The following RANBP17 variants were observed in gnomAD, a reference collection of about 807,000 sequenced individuals.
RANBP17 encodes the protein ran-binding protein 17.
Under a neutral mutation model 141.2 loss-of-function variants are expected in RANBP17, and 158 were observed. The observed-to-expected ratio is 1.12, with a 90% confidence interval of 0.98 to 1.28. The LOEUF is 1.28. Ranked by LOEUF, RANBP17 falls within the 50% of genes most tolerant of loss-of-function variation. The probability of loss-of-function intolerance (pLI) is 0.00; values close to 1 mark genes in which losing one functional copy is unlikely to be tolerated. For missense variants in RANBP17, 1,438 were observed against 1,290.7 expected (o/e 1.11, Z -1.75); for synonymous variants, 430 against 450.0 (o/e 0.96, Z 0.56).
intron 14 of RANBP17, among the ~76,000 whole-genome samples, chr5:171,130,019 C>T (rs1050805085): frequency 6.6e-6 from 1 of 152,130 alleles, no homozygotes; most frequent in Non-Finnish European, 1.5e-5. Context: ...TGTCAGGGCT[C>T]TACTTTTTAA....
intron 25 of RANBP17, among the ~76,000 whole-genome samples, chr5:171,290,013 GTGAC>G (rs201931487): frequency 0.087 from 13,222 of 152,060 alleles, 790 homozygotes; most frequent in East Asian, 0.2. Flanking sequence ...CTTGGTGATA[GTGAC>G]AGGTGAAATC....
chr5:171,154,533 G>A (rs1351759375), intron 14 of RANBP17, among the ~76,000 whole-genome samples: 2 of 152,146 alleles, frequency 1.3e-5, no homozygotes, highest in African/African-American at 4.8e-5. Flanking sequence ...GCCCACCTTG[G>A]CCTCCCAAAA....
At chr5:171,068,510 A>G (rs749442302) in intron 14 of RANBP17, among the ~76,000 whole-genome samples, 1 of 152,090 alleles carries the variant, frequency 6.6e-6, no homozygotes, top group Non-Finnish European at 1.5e-5. Flanking sequence ...GAGTATTGTA[A>G]TGTGGTAACT....
chr5:171,193,460 A>G (rs1288844102), intron 18 of RANBP17, among the ~76,000 whole-genome samples: 2 of 152,196 alleles, frequency 1.3e-5, no homozygotes, highest in Non-Finnish European at 2.9e-5. Flanking sequence ...GTGGTTGGCA[A>G]TAAAGCTGAC....
chr5:171,299,380 G>GA lies in RANBP17; in HGVS notation c.*522_*523insA. ...TGGAAGCACTACAGAGCATCCCACA[G>GA]GACCACACGCAGGCCTCCCTGCCTC... On this transcript the variant is annotated 3_prime_UTR_variant, in exon 28 of 28. Coordinates refer to ENST00000523189, the MANE Select transcript of RANBP17 (RefSeq NM_022897.5). 4.3e-6 allele frequency: 1 copy of GA among 232,376 alleles called. No individual in the cohort carries two copies. Among genetic ancestry groups the GA allele is most frequent in the Non-Finnish European group, 8.5e-6 (1 of 117,302 alleles). The allele number at this position is 232,376 out of a possible 1,614,324, so 14.4% of individuals were successfully genotyped here. A position where few individuals can be genotyped will look rare whatever the true frequency, so the allele number is the denominator to read the frequency against.
intron 14 of RANBP17, among the ~76,000 whole-genome samples, chr5:170,975,545 A>T (rs1337931305): frequency 2.0e-5 from 3 of 152,194 alleles, no homozygotes; most frequent in Non-Finnish European, 4.4e-5. Flanking sequence ...AAAGAAAGAA[A>T]TGTATTCAGC....
chr5:171,176,207 T>C (rs892985560), intron 16 of RANBP17, among the ~76,000 whole-genome samples: 1 of 152,184 alleles, frequency 6.6e-6, no homozygotes, highest in East Asian at 1.9e-4. Flanking sequence ...TTTATTTCAG[T>C]CATTTTCGTT....
intron 12 of RANBP17, among the ~76,000 whole-genome samples, chr5:170,930,094 T>A (rs1476034236): frequency 6.6e-6 from 1 of 152,150 alleles, no homozygotes; most frequent in Non-Finnish European, 1.5e-5. Flanking sequence ...TTTGTTGATC[T>A]TTTTAGAGAA....
intron 8 of RANBP17, among the ~76,000 whole-genome samples, chr5:170,914,920 T>C (rs1771824388): frequency 6.6e-6 from 1 of 152,172 alleles, no homozygotes; most frequent in Admixed American, 6.5e-5. Context: ...GAAAAACATA[T>C]TGCATATTTA....
intron 5 of RANBP17, among the ~76,000 whole-genome samples, chr5:170,902,223 T>G (rs1240168733): frequency 6.6e-6 from 1 of 152,198 alleles, no homozygotes; most frequent in Non-Finnish European, 1.5e-5. Context: ...TTGATTCCTT[T>G]TCATTTCTTT....
rs1305138455 is a variant in RANBP17, at chr5:171,107,733, A to G, written c.1711-62397A>G. On this transcript the variant is annotated intron_variant, in intron 14 of 27. Transcript: ENST00000523189. ...TATATTTATTAGAATGAAAAGGGAA[A>G]TCTTGCCTTACAAGGGAAATATGGT... 2.6e-5 allele frequency among the ~76,000 whole-genome samples: 4 copies of G among 152,190 alleles called. No homozygotes were observed. The South Asian group carries it at 6.2e-4, about 24-fold the overall frequency.
At chr5:170,872,664 A>G (rs947483652) in intron 1 of RANBP17, among the ~76,000 whole-genome samples, 2 of 152,162 alleles carry the variant, frequency 1.3e-5, no homozygotes, top group South Asian at 2.1e-4. Context: ...AATAGCTCTT[A>G]TTATTTTAAG....
At chr5:171,173,855 T>C (rs1034389822) in intron 16 of RANBP17, among the ~76,000 whole-genome samples, 3 of 152,180 alleles carry the variant, frequency 2.0e-5, no homozygotes, top group African/African-American at 7.2e-5. Flanking sequence ...TGAGAACTTC[T>C]GTCTTTAGGT....
intron 14 of RANBP17, among the ~76,000 whole-genome samples, chr5:171,163,120 A>G (rs1356405110): frequency 6.6e-6 from 1 of 152,150 alleles, no homozygotes; most frequent in African/African-American, 2.4e-5. Context: ...ACCTTTTACC[A>G]CTTGATTTCC....
At chr5:170,916,015 TTGA>T (rs1771920599) in intron 8 of RANBP17, among the ~76,000 whole-genome samples, 1 of 151,928 alleles carries the variant, frequency 6.6e-6, no homozygotes, top group South Asian at 2.1e-4. Context: ...GTGGGAGTGG[TTGA>T]TGATATTTAG....
At chr5:170,965,974 A>G (rs370976974) in intron 13 of RANBP17, among the ~76,000 whole-genome samples, 3 of 152,250 alleles carry the variant, frequency 2.0e-5, no homozygotes, top group East Asian at 1.9e-4. Context: ...CATTGAATCT[A>G]TAAATTACCT....
At chr5:171,244,695 C>T (rs1197607048) in intron 24 of RANBP17, among the ~76,000 whole-genome samples, 1 of 152,168 alleles carries the variant, frequency 6.6e-6, no homozygotes, top group Non-Finnish European at 1.5e-5. Context: ...GATACACCCA[C>T]CTCGGCCTCC....
intron 14 of RANBP17, among the ~76,000 whole-genome samples, chr5:171,128,153 G>A (rs566690597): frequency 5.3e-5 from 8 of 151,832 alleles, no homozygotes; most frequent in Non-Finnish European, 1.0e-4. Context: ...GTGAGACTCC[G>A]TCTCAAAAAA....
intron 14 of RANBP17, among the ~76,000 whole-genome samples, chr5:171,075,078 C>G (rs973967661): frequency 6.6e-6 from 1 of 152,118 alleles, no homozygotes; most frequent in African/African-American, 2.4e-5. Flanking sequence ...CCTTGAGCAG[C>G]AGGATATAAA....
Sources: allele counts gnomAD v4.1 joint callset (sites outside exome capture counted in the v4.1 genomes callset), GRCh38; gene constraint gnomAD v4.1.1; transcripts MANE v1.5; gene names NCBI Gene and HGNC (gene_info 2026-07-23, HGNC 2026-07-21).